The following CELF2 variants were observed in gnomAD, a reference collection of about 807,000 sequenced individuals.
CELF2 encodes the protein CUG triplet repeat RNA-binding protein 2.
CELF2 carries 8 observed loss-of-function variants against 62.6 expected under a neutral mutation model. The observed-to-expected ratio is 0.13, with a 90% confidence interval of 0.07 to 0.23. The LOEUF is 0.23. Among genes scored for constraint, CELF2 ranks in the 10% least tolerant of loss-of-function variants. The pLI, the probability that CELF2 is intolerant of heterozygous loss-of-function variation, is 1.00. For missense variants in CELF2, 333 were observed against 671.0 expected, an observed-to-expected ratio of 0.50 and a Z score of 5.56; for synonymous variants, 258 against 250.0, an observed-to-expected ratio of 1.03 and a Z score of -0.30.
At chr10:11,257,466 G>A (rs2137831520) in intron 4 of CELF2, 2 of 316,754 alleles carry the variant, frequency 6.3e-6, no homozygotes, top group East Asian at 5.5e-5. Context: ...CTGAATAGGA[G>A]AAAAGAACTT....
the CELF2 span, among the ~76,000 whole-genome samples, chr10:10,682,917 G>A: frequency 0.016 from 2,413 of 152,208 alleles, 29 homozygotes; most frequent in African/African-American, 0.035. Context: ...GAGAATGGAA[G>A]CAGTCAGCTG....
At chr10:10,743,263 A>G in the CELF2 span, among the ~76,000 whole-genome samples, 2 of 152,244 alleles carry the variant, frequency 1.3e-5, no homozygotes, top group South Asian at 2.1e-4. Context: ...AGTGGTCTCT[A>G]TTGAAATGAG....
chr10:11,202,942 T>C (rs1453428937), intron 2 of CELF2, among the ~76,000 whole-genome samples: 2 of 82,724 alleles, frequency 2.4e-5, no homozygotes, highest in Non-Finnish European at 5.2e-5. Flanking sequence ...TCTCTCTCTC[T>C]CTCTCTCTCT....
intron 1 of CELF2, among the ~76,000 whole-genome samples, chr10:10,836,884 C>G (rs1219469812): frequency 1.3e-5 from 2 of 152,196 alleles, no homozygotes; most frequent in Non-Finnish European, 2.9e-5. Flanking sequence ...ATCTGCCTGC[C>G]TTGTCCTCTC....
the CELF2 span, among the ~76,000 whole-genome samples, chr10:10,562,811 C>T: frequency 7.5e-5 from 11 of 147,092 alleles, no homozygotes; most frequent in Non-Finnish European, 1.6e-4. Flanking sequence ...CACAGCCTAC[C>T]TCCCTGCCCT....
At chr10:10,839,331 C>T (rs1221827079) in intron 1 of CELF2, among the ~76,000 whole-genome samples, 3 of 152,158 alleles carry the variant, frequency 2.0e-5, no homozygotes, top group Non-Finnish European at 4.4e-5. Flanking sequence ...AGTAAGCTAA[C>T]ATAAGCTCAT....
rs186352149 is a variant in CELF2, at chr10:11,211,926, T to C, written c.272-5499T>C. Among the ~76,000 whole-genome samples the C allele has an allele frequency of 1.3e-5, 2 of 151,848 alleles. No individual in the cohort carries two copies. The highest frequency in any genetic ancestry group is 1.3e-4 in the Admixed American group (2 of 15,246). ...TCTCATACCAGTGTCTCAAATTATC[T>C]AACAGTTAAGCAGGCAAAATACCTG... is the stretch of plus-strand genomic sequence containing the variant. On this transcript the variant is annotated intron_variant, in intron 2 of 12. Coordinates refer to ENST00000633077, the MANE Select transcript of CELF2 (RefSeq NM_001326342.2). The surrounding 1 kb of genome is among the most constrained non-coding windows in gnomAD (Gnocchi z 4.8).
At chr10:11,086,614 C>G in intron 1 of CELF2, among the ~76,000 whole-genome samples, 1 of 82,720 alleles carries the variant, frequency 1.2e-5, no homozygotes, top group African/African-American at 6.8e-5. Flanking sequence ...AAAAAAACTC[C>G]CGACAGCACC....
At chr10:10,937,121 CTTT>C (rs373143426) in intron 2 of CELF2, among the ~76,000 whole-genome samples, 26,667 of 89,734 alleles carry the variant, frequency 0.3, 2,355 homozygotes, top group East Asian at 0.59. Context: ...TTTTTCTTTT[CTTT>C]TTTTTTTTTT....
At chr10:10,833,276 C>T (rs1417984856) in intron 1 of CELF2, among the ~76,000 whole-genome samples, 1 of 152,122 alleles carries the variant, frequency 6.6e-6, no homozygotes, top group Non-Finnish European at 1.5e-5. Context: ...ATAGCAGATT[C>T]AGTTCAAAAC....
intron 1 of CELF2, among the ~76,000 whole-genome samples, chr10:11,064,831 C>G (rs921623301): frequency 1.8e-4 from 27 of 152,250 alleles, no homozygotes; most frequent in African/African-American, 6.3e-4. Context: ...GTTGCTTGAG[C>G]TGGGATAAAC....
At position 11,302,055 on chromosome 10, in the gene CELF2, C is replaced by G. The variant is rs2093811106; in HGVS notation, c.977-12084C>G. Among the ~76,000 whole-genome samples, 1 of 152,212 alleles carries G rather than the reference C, an allele frequency of 6.6e-6. No individual in the cohort carries two copies. The highest frequency in any genetic ancestry group is 6.5e-5 in the Admixed American group (1 of 15,288). On this transcript the variant is annotated intron_variant, in intron 9 of 12. Transcript: ENST00000633077. This position sits in a 1 kb window ranked among gnomAD's most constrained non-coding sequence, Gnocchi z 5.0. ...TTCTCATAGTTTCTAGGGAAACGGACAAGCAAATCCCTGCTCTTCAACCGG... is the reference window on the plus strand; with the variant it reads ...TTCTCATAGTTTCTAGGGAAACGGAGAAGCAAATCCCTGCTCTTCAACCGG...
At chr10:10,655,480 G>T in the CELF2 span, among the ~76,000 whole-genome samples, 1 of 127,606 alleles carries the variant, frequency 7.8e-6, no homozygotes, top group African/African-American at 2.8e-5. Context: ...TATACTACAA[G>T]GCTATAGTAA....
chr10:10,691,968 T>C, the CELF2 span, among the ~76,000 whole-genome samples: 1 of 151,960 alleles, frequency 6.6e-6, no homozygotes. Flanking sequence ...GCCTGTTCAC[T>C]CTCATGGTAG....
intron 2 of CELF2, among the ~76,000 whole-genome samples, chr10:10,962,866 G>A (rs1376851398): frequency 1.3e-5 from 2 of 152,204 alleles, no homozygotes; most frequent in African/African-American, 2.4e-5. Context: ...TGATGCTGAA[G>A]TCAATTCCAT....
intron 1 of CELF2, among the ~76,000 whole-genome samples, chr10:10,860,731 G>C (rs1432565026): frequency 6.6e-6 from 1 of 152,194 alleles, no homozygotes; most frequent in Non-Finnish European, 1.5e-5. Context: ...AGTATTTATA[G>C]ATAGGAAAAG....
At chr10:10,994,136 G>T (rs1449188362) in intron 2 of CELF2, among the ~76,000 whole-genome samples, 1 of 152,226 alleles carries the variant, frequency 6.6e-6, no homozygotes, top group Non-Finnish European at 1.5e-5. Flanking sequence ...GAAGATTAAA[G>T]AAGGACTAGA....
At chr10:10,727,748 C>T in the CELF2 span, among the ~76,000 whole-genome samples, 3 of 149,232 alleles carry the variant, frequency 2.0e-5, no homozygotes, top group African/African-American at 7.4e-5. Context: ...TGCACTCCAG[C>T]CTGGGCAACA....
At chr10:10,678,296 T>G in the CELF2 span, among the ~76,000 whole-genome samples, 1 of 152,106 alleles carries the variant, frequency 6.6e-6, no homozygotes, top group Non-Finnish European at 1.5e-5. Context: ...AAAATTGTTT[T>G]GCCTTACTGT....
Sources: gnomAD v4.1 joint callset for allele counts (sites outside exome capture counted in the v4.1 genomes callset) on GRCh38, gnomAD v4.1.1 for gene constraint, Gnocchi (gnomAD v3.1) non-coding constraint, MANE v1.5 for transcripts, NCBI Gene and HGNC (gene_info 2026-07-23, HGNC 2026-07-21) for gene names.